The following SLC39A6 variants were observed in gnomAD, a reference collection of about 807,000 sequenced individuals.
SLC39A6 encodes the protein solute carrier family 39 member 6.
Under a neutral mutation model 63.5 loss-of-function variants are expected in SLC39A6, and 51 were observed. The ratio of observed to expected loss-of-function variants is 0.80; its 90% CI spans 0.64 to 1.01. The LOEUF is 1.01. SLC39A6 is among the 50% of genes least tolerant of loss of function. The probability of loss-of-function intolerance (pLI) is 0.00; values close to 1 mark genes in which losing one functional copy is unlikely to be tolerated. For missense variants in SLC39A6, 805 were observed against 927.8 expected (o/e 0.87, Z 1.72); for synonymous variants, 318 against 324.7 (o/e 0.98, Z 0.22).
intron 1 of SLC39A6, 143 bp from the exon 2 acceptor site, chr18:36,127,159 T>C (rs1363151832): frequency 4.2e-6 from 3 of 721,318 alleles, no homozygotes; most frequent in Non-Finnish European, 6.7e-6. Context: ...CGCTAGGTAC[T>C]GTGAAGATGG....
At chr18:36,115,872 T>C (rs1182140578) in intron 6 of SLC39A6, among the ~76,000 whole-genome samples, 1 of 152,102 alleles carries the variant, frequency 6.6e-6, no homozygotes, top group Non-Finnish European at 1.5e-5. Flanking sequence ...AGGAGAAACA[T>C]GGTAGATACA....
At chr18:36,129,069 G>C (rs970984117) in intron 1 of SLC39A6, 45 bp downstream of exon 1, 1 of 152,554 alleles carries the variant, frequency 6.6e-6, no homozygotes, top group African/African-American at 2.4e-5. Flanking sequence ...CTGGCCTGAG[G>C]AGCTCCCCTC....
In SLC39A6 at chr18:36,111,179, G is replaced by C. The variant is rs201380028; in HGVS notation, c.1995C>G (p.Ala665=). ...TTGCCATTCCAAGATACGCCAGCAT[G>C]GCTGACAATGCATTATAAAGGACAG... ...KQAVLYNALS[A]MLAYLGMATG... Residue 665 remains alanine (A), a synonymous_variant, in exon 9 of 10, where the codon GCC becomes GCG. Transcript: ENST00000269187. 1,089 of 1,613,994 alleles carry C rather than the reference G, an allele frequency of 6.7e-4. 4 individuals carry two copies. Among genetic ancestry groups the C allele is most frequent in the Non-Finnish European group, 7.7e-4 (904 of 1,179,846 alleles).
chr18:36,116,201 A>T (rs1598707320), intron 6 of SLC39A6, among the ~76,000 whole-genome samples: 1 of 152,230 alleles, frequency 6.6e-6, no homozygotes, highest in African/African-American at 2.4e-5. Flanking sequence ...TGATTTAATA[A>T]TTAAACTCTG....
At chr18:36,117,628 T>A (rs2089357012) in intron 5 of SLC39A6, among the ~76,000 whole-genome samples, 1 of 152,218 alleles carries the variant, frequency 6.6e-6, no homozygotes, top group Non-Finnish European at 1.5e-5. Context: ...AATAACAGAT[T>A]TCTTATTTGC....
At chr18:36,113,790 GA>G (rs1171872417) in intron 7 of SLC39A6, among the ~76,000 whole-genome samples, 25 of 150,920 alleles carry the variant, frequency 1.7e-4, no homozygotes, top group African/African-American at 4.9e-5. Flanking sequence ...TGTATAGGGA[GA>G]AAAAAAAATC....
intron 1 of SLC39A6, among the ~76,000 whole-genome samples, chr18:36,128,832 A>G (rs1470342426): frequency 6.6e-6 from 1 of 152,226 alleles, no homozygotes; most frequent in Non-Finnish European, 1.5e-5. Context: ...TTTTATTTCT[A>G]AACACGTCAG....
At chr18:36,110,124 G>A (rs1460339512) in intron 9 of SLC39A6, among the ~76,000 whole-genome samples, 1 of 152,010 alleles carries the variant, frequency 6.6e-6, no homozygotes, top group Non-Finnish European at 1.5e-5. Context: ...GATACATATT[G>A]TCTTTGATTG....
chr18:36,110,154 A>C (rs1278211047), intron 9 of SLC39A6, among the ~76,000 whole-genome samples: 3 of 152,198 alleles, frequency 2.0e-5, no homozygotes, highest in African/African-American at 7.2e-5. Context: ...TAAAAAATAA[A>C]AATAAAATAA....
chr18:36,111,847 A>G (rs2089303243), intron 8 of SLC39A6, among the ~76,000 whole-genome samples: 1 of 152,246 alleles, frequency 6.6e-6, no homozygotes, highest in East Asian at 1.9e-4. Context: ...AACACTAAAA[A>G]TTTAATATTG....
At chr18:36,120,150 A>G (rs1455966239) in intron 5 of SLC39A6, among the ~76,000 whole-genome samples, 1 of 152,160 alleles carries the variant, frequency 6.6e-6, no homozygotes, top group Non-Finnish European at 1.5e-5. Flanking sequence ...ACTATGATAC[A>G]TGGGATCTCC....
rs758552370 is a variant in SLC39A6 at position 36,126,927 on chromosome 18, A to G, written c.81T>C (p.Ala27=). 3 of 1,614,224 alleles carry G rather than the reference A, an allele frequency of 1.9e-6. No individual in the cohort carries two copies. Among genetic ancestry groups the G allele is most frequent in the Non-Finnish European group, 2.5e-6 (3 of 1,180,028 alleles). The change falls in exon 2 of 10, where the codon GCT becomes GCC. Residue 27 remains alanine, a synonymous_variant. Coordinates refer to ENST00000269187, the MANE Select transcript of SLC39A6 (RefSeq NM_012319.4). ...VTNPLHELKA[A]AFPQTTEKIS... Reference sequence around the variant, plus strand: ...TTTTCTCAGTGGTCTGGGGGAAAGCAGCTGCTTTTAGTTCATGAAGGGGAT... The same window carrying G: ...TTTTCTCAGTGGTCTGGGGGAAAGCGGCTGCTTTTAGTTCATGAAGGGGAT...
Position 36,120,622 on chromosome 18 carries a change from C to T in SLC39A6, c.1359+1430G>A, listed in dbSNP as rs897467861. 2.0e-5 allele frequency among the ~76,000 whole-genome samples: 3 copies of T among 152,306 alleles called. No homozygotes were observed. In the East Asian group the frequency reaches 5.8e-4, roughly 29 times the overall value. ...TTACTGTAATTGCACAATTTAATTA[C>T]ACATTGCTCAAACTATGAAATGATG... On this transcript the variant is annotated intron_variant, in intron 5 of 9. Coordinates refer to ENST00000269187, the MANE Select transcript of SLC39A6 (RefSeq NM_012319.4).
In SLC39A6 at chr18:36,126,421, G is replaced by C; in HGVS notation, c.587C>G (p.Ser196Cys). Residue 196 changes from serine (S) to cysteine (C), a missense_variant, in exon 2 of 10, where the codon TCT (serine) becomes TGT (cysteine). By Grantham distance (112) the Ser-to-Cys change is moderately radical. Transcript: ENST00000269187. ...EVTSTVYNTV[S>C]EGTHFLETIE... ...TGTCTCTAGAAAGTGAGTTCCTTCA[G>C]AGACAGTGTTGTACACAGTTGAGGT... 6.2e-7 allele frequency: 1 copy of C among 1,614,214 alleles called. No homozygotes were observed. The highest frequency in any genetic ancestry group is 1.1e-5 in the South Asian group (1 of 91,086).
chr18:36,118,532 G>A (rs1041163855), intron 5 of SLC39A6, among the ~76,000 whole-genome samples: 25 of 152,146 alleles, frequency 1.6e-4, no homozygotes, highest in Admixed American at 1.6e-3. Context: ...AGCATTCCAG[G>A]CAGGGAGTAG....
chr18:36,123,445 T>C, intron 4 of SLC39A6, 50 bp downstream of exon 4: 5 of 1,473,850 alleles, frequency 3.4e-6, no homozygotes. Context: ...AAACATTTTT[T>C]TTTCAATGTT....
At chr18:36,112,711 T>C (rs1034649984) in intron 7 of SLC39A6, 130 bp from the exon 8 acceptor site, 17 of 654,486 alleles carry the variant, frequency 2.6e-5, no homozygotes, top group African/African-American at 5.5e-5. Flanking sequence ...CCAAACCAAC[T>C]CTGTATCTTC....
intron 1 of SLC39A6, among the ~76,000 whole-genome samples, chr18:36,128,073 A>G (rs958380316): frequency 3.9e-5 from 6 of 152,218 alleles, no homozygotes; most frequent in African/African-American, 1.4e-4. Flanking sequence ...ACATTTAATC[A>G]CAGGCTGTTA....
chr18:36,115,161 G>A (rs2089333307), intron 6 of SLC39A6, among the ~76,000 whole-genome samples: 1 of 152,202 alleles, frequency 6.6e-6, no homozygotes, highest in Non-Finnish European at 1.5e-5. Context: ...TGAAGAGGGG[G>A]CCGGGCGTGG....
Sources: gnomAD v4.1 joint callset for allele counts (sites outside exome capture counted in the v4.1 genomes callset) on GRCh38, gnomAD v4.1.1 for gene constraint, MANE v1.5 for transcripts, NCBI Gene and HGNC (gene_info 2026-07-23, HGNC 2026-07-21) for gene names.